LAD1: variants seen among roughly 807,000 people sequenced by gnomAD.
LAD1 encodes the protein ladinin 1.
Under a neutral mutation model 54.2 loss-of-function variants are expected in LAD1, and 53 were observed. That is an observed-to-expected ratio of 0.98 (90% CI 0.78 to 1.23). The LOEUF (loss-of-function observed/expected upper bound fraction) is 1.23, where lower values mean the gene tolerates loss of function less well. Among genes scored for constraint, LAD1 ranks in the 50% most tolerant of loss-of-function variants. LAD1 has a pLI of 0.00. For missense variants in LAD1, 637 were observed against 653.3 expected (o/e 0.98, Z 0.27); for synonymous variants, 231 against 257.7 (o/e 0.90, Z 0.99).
chr1:201,384,216 C>A (rs1356192937), intron 5 of LAD1, among the ~76,000 whole-genome samples: 4 of 152,144 alleles, frequency 2.6e-5, no homozygotes, highest in Admixed American at 6.5e-5. Flanking sequence ...CACCCCAGCC[C>A]CCAGGCCTAG....
chr1:201,398,621 G>T (rs1662342752), intron 1 of LAD1, among the ~76,000 whole-genome samples: 1 of 152,182 alleles, frequency 6.6e-6, no homozygotes, highest in South Asian at 2.1e-4. Flanking sequence ...TGTCCAGCAG[G>T]CAGGGGTAGG....
rs770823525 is a variant in LAD1 at position 201,383,176 on chromosome 1, G to A, written c.1284C>T (p.Cys428=). 1 of 1,614,054 alleles carries A rather than the reference G, an allele frequency of 6.2e-7. No homozygotes were observed. Among genetic ancestry groups the A allele is most frequent in the Non-Finnish European group, 8.5e-7 (1 of 1,179,982 alleles). Residue 428 remains cysteine, a synonymous_variant, in exon 7 of 10, where the codon TGC becomes TGT. Transcript: ENST00000391967. ...CCACAGGAGCCACGAATAACTCAGT[G>A]CAAGGCAGACCCCGAGACTTGACAG... ...SESVKSRGLP[C]TELFVAPVGV... is the part of the protein sequence containing the mutation.
chr1:201,383,120 TTC>T lies in LAD1; in HGVS notation c.1338_1339del (p.Lys447GlyfsTer63). 4.3e-6 allele frequency: 7 copies of T among 1,614,038 alleles called. No homozygotes were observed. The highest frequency in any genetic ancestry group is 5.9e-6 in the Non-Finnish European group (7 of 1,179,996). On this transcript the variant is annotated frameshift_variant, in exon 7 of 10. Transcript: ENST00000391967. LOFTEE classifies it high-confidence loss of function. ...TGCTCGGCTCTGGCCCGCCAGTTCC[TTC>T]TCAAAGAGGTGGCGCTTGCTGGCTA...
chr1:201,383,103 T>C lies in LAD1; in HGVS notation c.1357A>G (p.Ser453Gly), dbSNP rs1661995528. 5.6e-6 allele frequency: 9 copies of C among 1,613,950 alleles called. No individual in the cohort carries two copies. The highest frequency in any genetic ancestry group is 7.6e-6 in the Non-Finnish European group (9 of 1,179,972). ...CGGCTGGAGGCTGGTTCTGCTCGGC[T>C]CTGGCCCGCCAGTTCCTTCTCAAAG... ...HLFEKELAGQ[S>G]RAEPASSRKE... The change falls in exon 7 of 10, where the codon AGC becomes GGC. Residue 453 changes from serine (S) to glycine (G), a missense_variant. Ser to Gly is a moderately conservative substitution (Grantham distance 56). Transcript: ENST00000391967.
chr1:201,389,950 C>T (rs1266075005), intron 1 of LAD1, among the ~76,000 whole-genome samples: 1 of 152,002 alleles, frequency 6.6e-6, no homozygotes, highest in Non-Finnish European at 1.5e-5. Flanking sequence ...AACAGGATCT[C>T]GCTGTGTTGC....
At chr1:201,398,698 T>C (rs1229935016) in intron 1 of LAD1, among the ~76,000 whole-genome samples, 2 of 152,158 alleles carry the variant, frequency 1.3e-5, no homozygotes, top group Non-Finnish European at 2.9e-5. Context: ...CAGATGGGGA[T>C]GGCAACTATC....
At chr1:201,398,144 C>T (rs770512741) in intron 1 of LAD1, among the ~76,000 whole-genome samples, 1 of 152,134 alleles carries the variant, frequency 6.6e-6, no homozygotes, top group East Asian at 1.9e-4. Context: ...AGAGGCTAAG[C>T]CTGAGACAAT....
chr1:201,386,275 G>A (rs1004552655), intron 3 of LAD1, 60 bp downstream of exon 3: 4 of 1,395,196 alleles, frequency 2.9e-6, no homozygotes, highest in Admixed American at 3.3e-5. Flanking sequence ...GGGTGGGACT[G>A]GCCGGCAGTG....
At chr1:201,396,475 G>A (rs959478047) in intron 1 of LAD1, among the ~76,000 whole-genome samples, 4 of 152,144 alleles carry the variant, frequency 2.6e-5, no homozygotes, top group Admixed American at 2.6e-4. Flanking sequence ...TGATGGCAGG[G>A]ATTTAAGTGA....
chr1:201,389,018 A>T (rs1662146356), intron 2 of LAD1, 142 bp downstream of exon 2: 12 of 933,418 alleles, frequency 1.3e-5, no homozygotes, highest in Non-Finnish European at 1.6e-5. Context: ...AGTCTGGGGA[A>T]GGTGGGGAAC....
At chr1:201,392,706 G>C (rs1662217352) in intron 1 of LAD1, among the ~76,000 whole-genome samples, 1 of 152,094 alleles carries the variant, frequency 6.6e-6, no homozygotes, top group African/African-American at 2.4e-5. Flanking sequence ...TTTATTCCAG[G>C]TGTGCTGGAG....
chr1:201,399,258 C>T lies in LAD1; in HGVS notation c.38+11G>A, dbSNP rs1314305841. ...GACCCCCCGCCCCTCCCGGCTCCCTCCGGCGCTCACCTGGACAGCGCGGAC... is the reference window on the plus strand; with the variant it reads ...GACCCCCCGCCCCTCCCGGCTCCCTTCGGCGCTCACCTGGACAGCGCGGAC... On this transcript the variant is annotated intron_variant, in intron 1 of 9. Transcript: ENST00000391967. 6.4e-7 allele frequency: 1 copy of T among 1,553,696 alleles called. No homozygotes were observed. Among genetic ancestry groups the T allele is most frequent in the Non-Finnish European group, 8.6e-7 (1 of 1,156,452 alleles).
At chr1:201,390,605 T>C (rs1021036465) in intron 1 of LAD1, among the ~76,000 whole-genome samples, 7 of 152,162 alleles carry the variant, frequency 4.6e-5, no homozygotes, top group African/African-American at 1.7e-4. Flanking sequence ...GCTGCAGGGC[T>C]TTGGATTAGA....
At chr1:201,382,396 C>G (rs1289331019) in intron 8 of LAD1, 70 bp from the exon 9 acceptor site, 1 of 1,192,310 alleles carries the variant, frequency 8.4e-7, no homozygotes, top group East Asian at 2.3e-5. Context: ...ATACCCCAGG[C>G]CCAGCTCCCA....
chr1:201,388,021 A>G (rs965555817), intron 2 of LAD1, among the ~76,000 whole-genome samples: 12 of 152,176 alleles, frequency 7.9e-5, no homozygotes, highest in Non-Finnish European at 1.2e-4. Context: ...GGTGGCATTC[A>G]GTAAACCCCA....
chr1:201,398,419 CT>C, intron 1 of LAD1, among the ~76,000 whole-genome samples: 2 of 152,202 alleles, frequency 1.3e-5, no homozygotes, highest in Non-Finnish European at 2.9e-5. Context: ...CCGCAGGAGC[CT>C]CAGTTTCCTT....
chr1:201,391,771 G>A (rs1662199965), intron 1 of LAD1, among the ~76,000 whole-genome samples: 1 of 152,162 alleles, frequency 6.6e-6, no homozygotes, highest in Non-Finnish European at 1.5e-5. Context: ...GGAAGGTACC[G>A]AGGTTCAGGG....
chr1:201,389,818 T>C (rs1356570720), intron 1 of LAD1, among the ~76,000 whole-genome samples: 2 of 152,154 alleles, frequency 1.3e-5, no homozygotes, highest in African/African-American at 4.8e-5. Flanking sequence ...CAAGACTCTG[T>C]CTCAAAAAAG....
chr1:201,387,725 GC>G (rs1284318012), intron 2 of LAD1, among the ~76,000 whole-genome samples: 6 of 152,174 alleles, frequency 3.9e-5, no homozygotes, highest in Admixed American at 3.9e-4. Flanking sequence ...CTGCTGCCGG[GC>G]AAGGCTGGGG....
Sources: allele counts gnomAD v4.1 joint callset (sites outside exome capture counted in the v4.1 genomes callset), GRCh38; gene constraint gnomAD v4.1.1; transcripts MANE v1.5; gene names NCBI Gene and HGNC (gene_info 2026-07-23, HGNC 2026-07-21).